The following UXS1 variants were observed in gnomAD, a reference collection of about 807,000 sequenced individuals.
UXS1 encodes the protein UDP-glucuronate decarboxylase 1, also known as UDP-glucuronic acid decarboxylase 1.
A neutral mutation model predicts 62.6 loss-of-function variants in UXS1; 33 were observed. That is an observed-to-expected ratio of 0.53 (90% CI 0.40 to 0.70). UXS1 has a LOEUF of 0.70. UXS1 is among the 30% of genes least tolerant of loss of function. The pLI, the probability that UXS1 is intolerant of heterozygous loss-of-function variation, is 0.00. For synonymous variants in UXS1, 213 were observed against 206.8 expected (o/e 1.03, Z -0.26); for missense variants, 434 against 556.3 (o/e 0.78, Z 2.21).
intron 5 of UXS1, among the ~76,000 whole-genome samples, chr2:106,152,389 T>C (rs1052910131): frequency 6.6e-6 from 1 of 150,546 alleles, no homozygotes; most frequent in Admixed American, 6.6e-5. Flanking sequence ...GAGGTGGAGG[T>C]TGCAGTGACC....
chr2:106,108,588 C>T (rs1678296052), intron 10 of UXS1, among the ~76,000 whole-genome samples: 1 of 152,192 alleles, frequency 6.6e-6, no homozygotes, highest in African/African-American at 2.4e-5. Context: ...GATTCGGTCC[C>T]TCTGGCTTCA....
chr2:106,183,507 C>T (rs1353066945), intron 1 of UXS1: 1 of 152,192 alleles, frequency 6.6e-6, no homozygotes, highest in Non-Finnish European at 1.5e-5. Context: ...GTTACAGCAA[C>T]TCTAAAAAGC....
intron 2 of UXS1, 125 bp downstream of exon 2, chr2:106,165,931 G>T (rs1307207834): frequency 4.6e-6 from 4 of 877,088 alleles, no homozygotes; most frequent in Non-Finnish European, 6.7e-6. Context: ...TATGTGAATA[G>T]CAAGAACCCA....
At chr2:106,183,240 T>A (rs1334539945) in intron 1 of UXS1, among the ~76,000 whole-genome samples, 3 of 135,956 alleles carry the variant, frequency 2.2e-5, no homozygotes, top group African/African-American at 8.2e-5. Flanking sequence ...AAGTCTTTTT[T>A]AAAAAAAAAA....
intron 4 of UXS1, among the ~76,000 whole-genome samples, chr2:106,162,632 G>A (rs2105055153): frequency 6.6e-6 from 1 of 152,272 alleles, no homozygotes; most frequent in East Asian, 1.9e-4. Context: ...ATTACAAGCT[G>A]CATAACTAAA....
chr2:106,113,834 CA>C, intron 9 of UXS1, among the ~76,000 whole-genome samples: 1 of 152,338 alleles, frequency 6.6e-6, no homozygotes, highest in Admixed American at 6.5e-5. Flanking sequence ...GACTCGGTCG[CA>C]GCAAGACTGG....
chr2:106,121,369 T>G (rs955461410), intron 9 of UXS1, among the ~76,000 whole-genome samples: 1 of 152,206 alleles, frequency 6.6e-6, no homozygotes, highest in Non-Finnish European at 1.5e-5. Flanking sequence ...AAAAGCTCAA[T>G]CAAAATGTCC....
chr2:106,188,232 C>T (rs1319783109), intron 1 of UXS1, among the ~76,000 whole-genome samples: 1 of 152,016 alleles, frequency 6.6e-6, no homozygotes, highest in Non-Finnish European at 1.5e-5. Flanking sequence ...GGAATCAATC[C>T]ACGTGGACAG....
intron 1 of UXS1, among the ~76,000 whole-genome samples, chr2:106,174,283 A>C (rs934558547): frequency 3.3e-5 from 5 of 152,232 alleles, no homozygotes; most frequent in African/African-American, 1.2e-4. Context: ...ACAGCAGGCA[A>C]TGAACAGCTG....
intron 5 of UXS1, among the ~76,000 whole-genome samples, chr2:106,152,436 A>G (rs976926452): frequency 2.0e-5 from 3 of 147,192 alleles, no homozygotes; most frequent in Non-Finnish European, 3.0e-5. Flanking sequence ...TGGGTGACAA[A>G]GTGAGGAAAG....
rs13383467 is a variant in UXS1 at position 106,170,734 on chromosome 2, A to G, written c.95-4651T>C. ...CACAGATTCCAAAGGGAAAGACACA[A>G]GCAATTTCCAACAATTATGAAGCTT... is the stretch of plus-strand genomic sequence containing the variant. On this transcript the variant is annotated intron_variant, in intron 1 of 14. Transcript: ENST00000283148. Among the ~76,000 whole-genome samples, 705 of 152,370 alleles carry G rather than the reference A, an allele frequency of 4.6e-3. 10 individuals are homozygous for G. The highest frequency in any genetic ancestry group is 0.017 in the African/African-American group (691 of 41,594).
chr2:106,106,420 T>C (rs571034538), intron 10 of UXS1, among the ~76,000 whole-genome samples: 16 of 151,980 alleles, frequency 1.1e-4, no homozygotes, highest in African/African-American at 3.4e-4. Flanking sequence ...TATTTATTTA[T>C]TTAAAAAGCA....
chr2:106,136,257 A>T (rs1680629541), intron 6 of UXS1, among the ~76,000 whole-genome samples: 1 of 93,826 alleles, frequency 1.1e-5, no homozygotes, highest in Non-Finnish European at 2.1e-5. Flanking sequence ...AAAAGTCAGG[A>T]AACAACAGGT....
intron 1 of UXS1, among the ~76,000 whole-genome samples, chr2:106,183,210 T>G (rs1684351411): frequency 7.9e-6 from 1 of 126,460 alleles, no homozygotes; most frequent in South Asian, 2.5e-4. Flanking sequence ...CTGTTGCTGA[T>G]AAAACCCAGC....
rs985958654 is a variant in UXS1 at position 106,163,650 on chromosome 2, A to G, written c.230+17T>C. The G allele has an allele frequency of 1.4e-6, 2 of 1,458,866 alleles. No individual in the cohort carries two copies. Among genetic ancestry groups the G allele is most frequent in the African/African-American group, 2.9e-5 (2 of 68,728 alleles). 90.4% of individuals were successfully genotyped at this position (1,458,866 alleles called of 1,614,324 possible). On this transcript the variant is annotated intron_variant, in intron 4 of 14. Coordinates refer to ENST00000283148, the MANE Select transcript of UXS1 (RefSeq NM_001253875.2). ...ACTTATTTTAACTATTGACTTTAAG[A>G]CAAAAAGTACACATACCTTTTTTCT...
At chr2:106,181,597 TA>T (rs1684248430) in intron 1 of UXS1, among the ~76,000 whole-genome samples, 1 of 152,134 alleles carries the variant, frequency 6.6e-6, no homozygotes, top group Non-Finnish European at 1.5e-5. Context: ...CGTGCGCCTG[TA>T]GTCTCCTACT....
chr2:106,187,889 C>A lies in UXS1; in HGVS notation c.94+6259G>T, dbSNP rs990663102. Among the ~76,000 whole-genome samples the A allele has an allele frequency of 4.6e-5, 7 of 152,008 alleles. No homozygotes were observed. The South Asian group carries it at 1.0e-3, about 23-fold the overall frequency. ...CTGAGTTGCTGGGATTACAGGCGCC[C>A]GCCACCATGCCCAGCTAATTTTTTG... On this transcript the variant is annotated intron_variant, in intron 1 of 14. Coordinates refer to ENST00000283148, the MANE Select transcript of UXS1 (RefSeq NM_001253875.2).
intron 1 of UXS1, among the ~76,000 whole-genome samples, chr2:106,174,633 G>C (rs377050164): frequency 6.6e-6 from 1 of 152,242 alleles, no homozygotes; most frequent in African/African-American, 2.4e-5. Flanking sequence ...TGGGGCGCAC[G>C]TAGTGAGAGG....
intron 5 of UXS1, among the ~76,000 whole-genome samples, chr2:106,148,197 T>C (rs1055377304): frequency 6.6e-6 from 1 of 152,216 alleles, no homozygotes; most frequent in Admixed American, 6.5e-5. Context: ...AGCTCCCACA[T>C]TCTACTGCTA....
Sources: allele counts gnomAD v4.1 joint callset (sites outside exome capture counted in the v4.1 genomes callset), GRCh38; gene constraint gnomAD v4.1.1; transcripts MANE v1.5; gene names NCBI Gene and HGNC (gene_info 2026-07-23, HGNC 2026-07-21).